Variants in LRCH2 observed in about 807,000 individuals in gnomAD.
The protein encoded by LRCH2 is leucine-rich repeat and calponin homology domain-containing protein 2.
Under a neutral mutation model 68.9 loss-of-function variants are expected in LRCH2, and 38 were observed. That is an observed-to-expected ratio of 0.55 (90% CI 0.43 to 0.72). The LOEUF (loss-of-function observed/expected upper bound fraction) is 0.72. Ranked by LOEUF, LRCH2 falls within the 30% of genes least tolerant of loss-of-function variation. The probability of loss-of-function intolerance (pLI) is 0.00; values close to 1 mark genes in which losing one functional copy is unlikely to be tolerated. For synonymous variants in LRCH2, 191 were observed against 208.1 expected, an observed-to-expected ratio of 0.92 and a Z score of 0.71; for missense variants, 528 against 572.9, an observed-to-expected ratio of 0.92 and a Z score of 0.80.
intron 18 of LRCH2, 42 bp from the exon 19 acceptor site, chrX:115,122,939 T>C (rs2072156200): frequency 3.5e-6 from 4 of 1,139,317 alleles, no homozygotes; most frequent in Middle Eastern, 4.8e-4. Context: ...TATCTAAACA[T>C]ACATGTTAAA....
At chrX:115,120,171 G>A (rs1395455230) in intron 20 of LRCH2, among the ~76,000 whole-genome samples, 1 of 98,087 alleles carries the variant, frequency 1.0e-5, no homozygotes, top group East Asian at 3.3e-4. Flanking sequence ...TTGACAAATG[G>A]GATCTAATTC....
At position 115,112,882 on chromosome X, in the gene LRCH2, A is replaced by C. The variant is rs951828022; in HGVS notation, c.*334T>G. The C allele has an allele frequency of 7.9e-6, 1 of 127,138 alleles. No individual in the cohort carries two copies. Among genetic ancestry groups the C allele is most frequent in the Non-Finnish European group, 1.6e-5 (1 of 63,271 alleles). 10.5% of individuals were successfully genotyped at this position (127,138 alleles called of 1,213,427 possible). ...GATGTTTACTAATATGCTATGATGT[A>C]AAAAAATTAAACCTAATGTGATTAT... is the stretch of plus-strand genomic sequence containing the variant. On this transcript the variant is annotated 3_prime_UTR_variant, in exon 21 of 21. Transcript: ENST00000317135.
At chrX:115,167,351 C>A (rs981837327) in intron 6 of LRCH2, among the ~76,000 whole-genome samples, 2 of 108,029 alleles carry the variant, frequency 1.9e-5, no homozygotes, top group Non-Finnish European at 3.9e-5. Flanking sequence ...AAACTTGCCT[C>A]CAAAGAGCTA....
intron 5 of LRCH2, among the ~76,000 whole-genome samples, chrX:115,178,589 A>C (rs1182213731): frequency 8.9e-6 from 1 of 111,896 alleles, no homozygotes; most frequent in Non-Finnish European, 1.9e-5. Flanking sequence ...AATCAACTTG[A>C]ATCTGATTGC....
rs782747644 is a variant in LRCH2 at position 115,123,998 on chromosome X, T to C, written c.1796A>G (p.Tyr599Cys). ...GTGTGAAAAACCATCAGTTCTGTCA[T>C]ATTCCTAAAAAAAAATTAAAAAGTT... is the stretch of plus-strand genomic sequence containing the variant. ...STQSPVSSEE[Y>C]DRTDGFSHSP... The change falls in exon 17 of 21, where the codon TAT becomes TGT. Residue 599 changes from tyrosine to cysteine, a missense_variant. Physicochemically the swap from Tyr to Cys is radical, Grantham distance 194. Transcript: ENST00000317135. The C allele has an allele frequency of 9.6e-7, 1 of 1,046,747 alleles. No homozygotes were observed. Among genetic ancestry groups the C allele is most frequent in the Non-Finnish European group, 1.3e-6 (1 of 799,539 alleles). The allele number at this position is 1,046,747 out of a possible 1,213,427, so 86.3% of individuals were successfully genotyped here. A position where few individuals can be genotyped will look rare whatever the true frequency, so the allele number is the denominator to read the frequency against.
intron 1 of LRCH2, among the ~76,000 whole-genome samples, chrX:115,209,612 T>C (rs1556569366): frequency 8.9e-6 from 1 of 111,778 alleles, no homozygotes; most frequent in African/African-American, 3.3e-5. Flanking sequence ...TTGGTACCAG[T>C]AGAGTGGGGC....
chrX:115,188,638 C>T (rs2072752396), intron 1 of LRCH2, among the ~76,000 whole-genome samples: 1 of 111,655 alleles, frequency 9.0e-6, no homozygotes, highest in Non-Finnish European at 1.9e-5. Flanking sequence ...GGAGACCAGC[C>T]TGGCCAACAT....
In LRCH2 at chrX:115,230,404, G is replaced by A. The variant is rs782557419; in HGVS notation, c.349+3289C>T. Among the ~76,000 whole-genome samples the A allele has an allele frequency of 1.6e-3, 181 of 111,062 alleles. 2 individuals carry two copies. The highest frequency in any genetic ancestry group is 4.6e-3 in the Middle Eastern group (1 of 217). On this transcript the variant is annotated intron_variant, in intron 1 of 20. Coordinates refer to ENST00000317135, the MANE Select transcript of LRCH2 (RefSeq NM_020871.4). Reference sequence around the variant, plus strand: ...CCCCCTTTTAAATGTTAATCTCCTAGAGAGGCTGCCATAATCATTTACCTG... The same window carrying A: ...CCCCCTTTTAAATGTTAATCTCCTAAAGAGGCTGCCATAATCATTTACCTG...
rs192520652 is a variant in LRCH2 at position 115,129,665 on chromosome X, T to A, written c.1740+490A>T. Among the ~76,000 whole-genome samples, 679 of 111,686 alleles carry A rather than the reference T, an allele frequency of 6.1e-3. 3 individuals are homozygous for A. The highest frequency in any genetic ancestry group is 0.01 in the Non-Finnish European group (551 of 53,133). ...AACAAAAATACACAAAACTTAAGTATTTATGGTAATGAGAATATATCTTTT... is the reference window on the plus strand; with the variant it reads ...AACAAAAATACACAAAACTTAAGTAATTATGGTAATGAGAATATATCTTTT... On this transcript the variant is annotated intron_variant, in intron 15 of 20. Transcript: ENST00000317135.
Position 115,128,226 on chromosome X carries a change from G to C in LRCH2, c.1741-1333C>G, listed in dbSNP as rs140584624. On this transcript the variant is annotated intron_variant, in intron 15 of 20. Transcript: ENST00000317135. ...CAGGCAAGAGAAAAGAGGGTATGAG[G>C]AGGCAGGGATAAGAAAATGTTTTCT... Among the ~76,000 whole-genome samples, 32 of 111,201 alleles carry C rather than the reference G, an allele frequency of 2.9e-4. No individual in the cohort carries two copies. The East Asian group carries it at 7.4e-3, about 26-fold the overall frequency.
chrX:115,204,113 T>G (rs2072949004), intron 1 of LRCH2, among the ~76,000 whole-genome samples: 2 of 113,069 alleles, frequency 1.8e-5, no homozygotes, highest in African/African-American at 6.4e-5. Context: ...CACCAAAGCT[T>G]GAGGCTTGCA....
intron 1 of LRCH2, among the ~76,000 whole-genome samples, chrX:115,224,834 A>G (rs1312088089): frequency 8.9e-6 from 1 of 112,004 alleles, no homozygotes; most frequent in Non-Finnish European, 1.9e-5. Context: ...TACTTAAAGT[A>G]TATATATGGG....
chrX:115,209,942 ATGAT>A (rs782599921), intron 1 of LRCH2, among the ~76,000 whole-genome samples: 1 of 111,496 alleles, frequency 9.0e-6, no homozygotes, highest in Admixed American at 9.6e-5. Flanking sequence ...CTTGAGAGAG[ATGAT>A]TTAGAGTATC....
intron 1 of LRCH2, among the ~76,000 whole-genome samples, chrX:115,189,175 AT>A (rs1481331095): frequency 8.9e-6 from 1 of 112,078 alleles, no homozygotes; most frequent in Non-Finnish European, 1.9e-5. Context: ...TGGAAAGATT[AT>A]TTTCCTCTGG....
intron 4 of LRCH2, 40 bp from the exon 5 acceptor site, chrX:115,179,603 G>T: frequency 9.1e-7 from 1 of 1,093,489 alleles, no homozygotes; most frequent in Non-Finnish European, 1.2e-6. Context: ...ATTTTACATA[G>T]TTACTCTCTT....
chrX:115,146,452 T>C (rs1008402852), intron 14 of LRCH2, among the ~76,000 whole-genome samples: 2 of 111,060 alleles, frequency 1.8e-5, no homozygotes, highest in South Asian at 3.8e-4. Flanking sequence ...AAATGATAAA[T>C]GTTTGAAGGA....
intron 1 of LRCH2, among the ~76,000 whole-genome samples, chrX:115,198,034 T>C (rs1603087322): frequency 3.4e-4 from 1 of 2,925 alleles, no homozygotes; most frequent in South Asian, 7.8e-3. Flanking sequence ...AAGCTTTTTC[T>C]TTTTTTTTTT....
intron 14 of LRCH2, among the ~76,000 whole-genome samples, chrX:115,138,677 C>G (rs2072310676): frequency 9.0e-6 from 1 of 111,652 alleles, no homozygotes; most frequent in African/African-American, 3.3e-5. Context: ...TACTTAAGAA[C>G]TTAGAAAATG....
chrX:115,170,482 CATCT>C, intron 5 of LRCH2, 50 bp from the exon 6 acceptor site: 2 of 946,957 alleles, frequency 2.1e-6, no homozygotes, highest in Non-Finnish European at 2.7e-6. Context: ...ATATAAATGA[CATCT>C]ATCATTTTAA....
Sources: allele counts gnomAD v4.1 joint callset (sites outside exome capture counted in the v4.1 genomes callset), GRCh38; gene constraint gnomAD v4.1.1; transcripts MANE v1.5; gene names NCBI Gene and HGNC (gene_info 2026-07-23, HGNC 2026-07-21).